The following LRRC4C variants were observed in gnomAD, a reference collection of about 807,000 sequenced individuals.
LRRC4C encodes the protein leucine rich repeat containing 4C.
A neutral mutation model predicts 33.6 loss-of-function variants in LRRC4C; 5 were observed. The observed-to-expected ratio is 0.15, with a 90% CI of 0.08 to 0.31. The LOEUF is 0.31. LRRC4C is among the 10% of genes least tolerant of loss of function. The pLI, the probability that LRRC4C is intolerant of heterozygous loss-of-function variation, is 1.00. For missense variants in LRRC4C, 560 were observed against 796.7 expected (o/e 0.70, Z 3.58); for synonymous variants, 329 against 302.0 (o/e 1.09, Z -0.93).
chr11:40,949,645 A>C (rs367889675), intron 1 of LRRC4C, among the ~76,000 whole-genome samples: 85 of 151,840 alleles, frequency 5.6e-4, no homozygotes, highest in East Asian at 9.7e-4. Flanking sequence ...GAAATAAAAT[A>C]CTTTACAGAC....
intron 3 of LRRC4C, among the ~76,000 whole-genome samples, chr11:40,388,308 G>C (rs536572687): frequency 6.6e-6 from 1 of 152,186 alleles, no homozygotes; most frequent in South Asian, 2.1e-4. Context: ...AAGAGATTAT[G>C]TCAATATCAA....
At chr11:40,546,068 T>TCCTTCCTA (rs1555098014) in intron 3 of LRRC4C, among the ~76,000 whole-genome samples, 26 of 126,636 alleles carry the variant, frequency 2.1e-4, no homozygotes, top group African/African-American at 9.0e-4. Flanking sequence ...CTTCCTTCCT[T>TCCTTCCTA]CCTTCCTTCC....
At chr11:40,807,857 C>T (rs1951319857) in intron 2 of LRRC4C, among the ~76,000 whole-genome samples, 1 of 152,186 alleles carries the variant, frequency 6.6e-6, no homozygotes, top group Non-Finnish European at 1.5e-5. Context: ...CCACATTCAA[C>T]AGGACTGATA....
At chr11:41,045,408 G>A (rs933111915) in intron 1 of LRRC4C, among the ~76,000 whole-genome samples, 5 of 152,128 alleles carry the variant, frequency 3.3e-5, no homozygotes, top group African/African-American at 4.8e-5. Context: ...AAGCAAGTTA[G>A]TGGAAAGATA....
chr11:40,900,741 A>G (rs1956163207), intron 2 of LRRC4C, among the ~76,000 whole-genome samples: 1 of 152,004 alleles, frequency 6.6e-6, no homozygotes, highest in African/African-American at 2.4e-5. Flanking sequence ...GTACAGAAGA[A>G]TACTGTGTTT....
chr11:40,220,083 G>A (rs1008914029), intron 5 of LRRC4C, among the ~76,000 whole-genome samples: 4 of 151,970 alleles, frequency 2.6e-5, no homozygotes, highest in Non-Finnish European at 5.9e-5. Flanking sequence ...CACTTTAGAG[G>A]GAATTTCAAC....
intron 2 of LRRC4C, among the ~76,000 whole-genome samples, chr11:40,866,169 TAA>T (rs34472076): frequency 7.4e-6 from 1 of 135,266 alleles, no homozygotes. Context: ...TAATTCTACT[TAA>T]AAAAAAAAAA....
chr11:41,151,599 C>G (rs752337661), intron 1 of LRRC4C, among the ~76,000 whole-genome samples: 1 of 152,094 alleles, frequency 6.6e-6, no homozygotes, highest in South Asian at 2.1e-4. Flanking sequence ...TAAAGGAAAT[C>G]AATCAATTTG....
chr11:40,169,983 T>C (rs1859914088), intron 5 of LRRC4C, among the ~76,000 whole-genome samples: 1 of 152,172 alleles, frequency 6.6e-6, no homozygotes, highest in Admixed American at 6.5e-5. Context: ...GTTTAATTTC[T>C]TTTGAGTAAA....
At chr11:40,749,768 C>G (rs762148708) in intron 2 of LRRC4C, among the ~76,000 whole-genome samples, 2 of 151,442 alleles carry the variant, frequency 1.3e-5, no homozygotes, top group Non-Finnish European at 2.9e-5. Context: ...TAAACAAAAC[C>G]AGAAATGAAA....
intron 1 of LRRC4C, among the ~76,000 whole-genome samples, chr11:41,079,123 C>A (rs1939373570): frequency 6.6e-6 from 1 of 152,176 alleles, no homozygotes; most frequent in Non-Finnish European, 1.5e-5. Flanking sequence ...AGGCCCATAT[C>A]TTTGGCCATA....
chr11:40,522,418 A>T (rs1955858260), intron 3 of LRRC4C, among the ~76,000 whole-genome samples: 1 of 152,018 alleles, frequency 6.6e-6, no homozygotes, highest in Admixed American at 6.6e-5. Context: ...GTACTCCCAT[A>T]ATTCCCAAGT....
At chr11:40,548,060 TG>T (rs753189499) in intron 3 of LRRC4C, among the ~76,000 whole-genome samples, 1 of 152,060 alleles carries the variant, frequency 6.6e-6, no homozygotes, top group East Asian at 1.9e-4. Flanking sequence ...TGCTATTGAC[TG>T]GATCAAAGCG....
chr11:41,060,868 C>G (rs1162584281), intron 1 of LRRC4C, among the ~76,000 whole-genome samples: 1 of 152,076 alleles, frequency 6.6e-6, no homozygotes. Context: ...TGCAGCCAAT[C>G]AATACCCGTA....
At chr11:40,190,793 G>T (rs578192028) in intron 5 of LRRC4C, among the ~76,000 whole-genome samples, 1 of 152,104 alleles carries the variant, frequency 6.6e-6, no homozygotes, top group Non-Finnish European at 1.5e-5. Flanking sequence ...GAGAATCTGG[G>T]TGCTACAGAA....
chr11:40,522,504 A>G (rs1410277553), intron 3 of LRRC4C, among the ~76,000 whole-genome samples: 1 of 152,234 alleles, frequency 6.6e-6, no homozygotes, highest in Non-Finnish European at 1.5e-5. Context: ...GTGGTAGTTA[A>G]TAAGTCTCAT....
chr11:40,440,623 G>A (rs1369142631), intron 3 of LRRC4C, among the ~76,000 whole-genome samples: 1 of 152,100 alleles, frequency 6.6e-6, no homozygotes, highest in Non-Finnish European at 1.5e-5. Context: ...CTTTTTAAGT[G>A]AAAGAAGGAC....
intron 1 of LRRC4C, among the ~76,000 whole-genome samples, chr11:41,177,065 T>G (rs140573470): frequency 1.5e-3 from 232 of 152,164 alleles, no homozygotes; most frequent in African/African-American, 3.9e-3. Context: ...TACCAACTGA[T>G]CCAGGACCTG....
chr11:40,808,353 T>C (rs1951340633), intron 2 of LRRC4C, among the ~76,000 whole-genome samples: 1 of 152,150 alleles, frequency 6.6e-6, no homozygotes, highest in Non-Finnish European at 1.5e-5. Flanking sequence ...CCCCTACTTA[T>C]TTATTAATGC....
Sources: allele counts gnomAD v4.1 joint callset (sites outside exome capture counted in the v4.1 genomes callset), GRCh38; gene constraint gnomAD v4.1.1; transcripts MANE v1.5; gene names NCBI Gene and HGNC (gene_info 2026-07-23, HGNC 2026-07-21).